DTHD1: variants seen among roughly 807,000 people sequenced by gnomAD.
The protein encoded by DTHD1 is death domain-containing protein 1.
DTHD1 carries 59 observed loss-of-function variants against 74.8 expected under a neutral mutation model. The observed-to-expected ratio is 0.79, with a 90% CI of 0.64 to 0.98. The LOEUF is 0.98. Ranked by LOEUF, DTHD1 falls within the 50% of genes least tolerant of loss-of-function variation. The pLI is 0.00. For missense variants in DTHD1, 1,051 were observed against 1,065.4 expected (o/e 0.99, Z 0.19); for synonymous variants, 365 against 371.1 (o/e 0.98, Z 0.19).
chr4:36,296,173 A>G (rs1238988474), intron 5 of DTHD1, among the ~76,000 whole-genome samples: 2 of 152,148 alleles, frequency 1.3e-5, no homozygotes, highest in Non-Finnish European at 2.9e-5. Flanking sequence ...GGAAATAGAA[A>G]TGGACCAAAA....
intron 7 of DTHD1, chr4:36,311,331 C>T (rs1757395599): frequency 6.6e-6 from 1 of 152,164 alleles, no homozygotes; most frequent in African/African-American, 2.4e-5. Flanking sequence ...GGAAAAGATC[C>T]TCAGTAAACA....
intron 6 of DTHD1, among the ~76,000 whole-genome samples, chr4:36,307,069 C>T (rs1162220629): frequency 3.0e-4 from 46 of 152,342 alleles, no homozygotes; most frequent in South Asian, 4.1e-4. Flanking sequence ...CCTTACATCC[C>T]CACATTGGTC....
chr4:36,304,791 T>C (rs1377343526), intron 5 of DTHD1, among the ~76,000 whole-genome samples: 2 of 152,232 alleles, frequency 1.3e-5, no homozygotes, highest in East Asian at 1.9e-4. Context: ...TCTCCATCTC[T>C]AGGACTATGT....
At chr4:36,286,511 T>C (rs894086292) in intron 2 of DTHD1, among the ~76,000 whole-genome samples, 4 of 152,198 alleles carry the variant, frequency 2.6e-5, no homozygotes, top group African/African-American at 9.6e-5. Context: ...CGTATAGCTT[T>C]CTGAAAGCAA....
chr4:36,335,514 A>C (rs1191334267), intron 8 of DTHD1, among the ~76,000 whole-genome samples: 2 of 152,162 alleles, frequency 1.3e-5, no homozygotes, highest in Non-Finnish European at 2.9e-5. Flanking sequence ...AGCATGAGCT[A>C]TTGCACCCAA....
chr4:36,327,730 T>A lies in DTHD1; in HGVS notation c.2340+11244T>A, dbSNP rs79364265. Among the ~76,000 whole-genome samples the A allele has an allele frequency of 7.1e-3, 1,084 of 152,340 alleles. 56 individuals carry two copies. The East Asian group carries it at 0.14, about 20-fold the overall frequency. ...GACATGCATTTAGAAATCAGATTTA[T>A]CTATTCCAGACTGCTTTTGATAATT... On this transcript the variant is annotated intron_variant, in intron 8 of 9. Coordinates refer to ENST00000639862, the MANE Select transcript of DTHD1 (RefSeq NM_001170700.3).
At chr4:36,315,066 T>C (rs1365512616) in intron 7 of DTHD1, among the ~76,000 whole-genome samples, 1 of 152,194 alleles carries the variant, frequency 6.6e-6, no homozygotes, top group Non-Finnish European at 1.5e-5. Flanking sequence ...TGAACCTAGA[T>C]CTATACATCC....
intron 9 of DTHD1, among the ~76,000 whole-genome samples, chr4:36,342,640 C>T (rs1249586318): frequency 6.6e-6 from 1 of 151,638 alleles, no homozygotes; most frequent in Non-Finnish European, 1.5e-5. Context: ...TAGATCATGT[C>T]GTGTGTATGT....
chr4:36,289,204 A>G (rs1034507613), intron 2 of DTHD1, among the ~76,000 whole-genome samples: 1 of 152,146 alleles, frequency 6.6e-6, no homozygotes, highest in Non-Finnish European at 1.5e-5. Flanking sequence ...CAATCATTTC[A>G]CTGGTATAAA....
chr4:36,297,461 A>G (rs1029880986), intron 5 of DTHD1, among the ~76,000 whole-genome samples: 23 of 152,024 alleles, frequency 1.5e-4, no homozygotes, highest in African/African-American at 5.3e-4. Context: ...ATTGATTTTA[A>G]TTTTTGATCA....
rs902664539 is a variant in DTHD1 at position 36,284,182 on chromosome 4, A to G, written c.478A>G (p.Thr160Ala). Residue 160 changes from threonine to alanine, a missense_variant, in exon 2 of 10, where the codon ACT (threonine) becomes GCT (alanine). Coordinates refer to ENST00000639862, the MANE Select transcript of DTHD1 (RefSeq NM_001170700.3). ...RGELNVIETA[T>A]VSPTNGEESH... The stretch of plus-strand genomic sequence containing the variant: ...GGAACTAAATGTCATAGAAACAGCT[A>G]CTGTTTCTCCCACAAATGGAGAGGA... 2.6e-6 allele frequency: 4 copies of G among 1,537,100 alleles called. No homozygotes were observed. In the African/African-American group the frequency reaches 5.5e-5, roughly 21 times the overall value.
At chr4:36,321,845 G>A (rs1758052406) in intron 8 of DTHD1, among the ~76,000 whole-genome samples, 1 of 152,110 alleles carries the variant, frequency 6.6e-6, no homozygotes, top group Non-Finnish European at 1.5e-5. Context: ...TGACTCCAAG[G>A]CATTCTCTGC....
chr4:36,328,839 T>A (rs1304399330), intron 8 of DTHD1, among the ~76,000 whole-genome samples: 1 of 152,250 alleles, frequency 6.6e-6, no homozygotes, highest in Non-Finnish European at 1.5e-5. Flanking sequence ...ACTCAATATT[T>A]TTTTTCTTTT....
rs1578505699 is a variant in DTHD1 at position 36,344,665 on chromosome 4, G to T, written c.*841G>T. On this transcript the variant is annotated 3_prime_UTR_variant, in exon 10 of 10. Transcript: ENST00000639862. ...AAATTTATGCTGGCCAGCTTTTCCT[G>T]AATTCCAAAAGAGAGGAGGGTATTA... The T allele has an allele frequency of 6.6e-6, 1 of 152,144 alleles. No homozygotes were observed. The highest frequency in any genetic ancestry group is 1.9e-4 in the East Asian group (1 of 5,188). 9.4% of individuals were successfully genotyped at this position (152,144 alleles called of 1,614,324 possible). A position where few individuals can be genotyped will look rare whatever the true frequency, so the allele number is the denominator to read the frequency against.
intron 7 of DTHD1, among the ~76,000 whole-genome samples, chr4:36,309,446 C>T (rs1403035711): frequency 6.6e-6 from 1 of 152,176 alleles, no homozygotes; most frequent in Non-Finnish European, 1.5e-5. Flanking sequence ...ACCTTGCTTG[C>T]TTCTTTTCCC....
chr4:36,304,612 T>C (rs1186555598), intron 5 of DTHD1, among the ~76,000 whole-genome samples: 1 of 152,202 alleles, frequency 6.6e-6, no homozygotes. Flanking sequence ...TCACATACCA[T>C]GGCTTTGTCT....
chr4:36,338,398 A>T (rs1365809859), intron 8 of DTHD1, among the ~76,000 whole-genome samples: 1 of 152,058 alleles, frequency 6.6e-6, no homozygotes, highest in Non-Finnish European at 1.5e-5. Flanking sequence ...TGGCTAATTC[A>T]AATAAAGATG....
At position 36,321,363 on chromosome 4, in the gene DTHD1, C is replaced by CT. The variant is rs1325324239; in HGVS notation, c.2340+4878dup. 2.0e-5 allele frequency among the ~76,000 whole-genome samples: 3 copies of CT among 152,228 alleles called. No homozygotes were observed. The East Asian group carries it at 5.8e-4, about 29-fold the overall frequency. On this transcript the variant is annotated intron_variant, in intron 8 of 9. Transcript: ENST00000639862. Reference sequence around the variant, plus strand: ...CACTCTGCATTGCTTGCATTACTGCCTGAGCTCTGCTTCCTATCAGATCAG... The same window carrying CT: ...CACTCTGCATTGCTTGCATTACTGCCTTGAGCTCTGCTTCCTATCAGATCAG...
In DTHD1 at chr4:36,325,222, T is replaced by C. The variant is rs192735601; in HGVS notation, c.2340+8736T>C. ...AAAAACTGTGATTGATTTCATGACA[T>C]AGAGAGCACATGCAAACCAGAGACC... On this transcript the variant is annotated intron_variant, in intron 8 of 9. Transcript: ENST00000639862. Among the ~76,000 whole-genome samples, 36 of 152,306 alleles carry C rather than the reference T, an allele frequency of 2.4e-4. 1 individual carries two copies. Among genetic ancestry groups the C allele is most frequent in the Admixed American group, 2.2e-3 (34 of 15,304 alleles).
Sources: gnomAD v4.1 joint callset for allele counts (sites outside exome capture counted in the v4.1 genomes callset) on GRCh38, gnomAD v4.1.1 for gene constraint, MANE v1.5 for transcripts, NCBI Gene and HGNC (gene_info 2026-07-23, HGNC 2026-07-21) for gene names.